Variants in KAZN observed in about 807,000 individuals in gnomAD.
KAZN encodes the protein kazrin.
Under a neutral mutation model 87.4 loss-of-function variants are expected in KAZN, and 40 were observed. The ratio of observed to expected loss-of-function variants is 0.46; its 90% CI spans 0.36 to 0.60. The LOEUF is 0.60. KAZN is among the 20% of genes least tolerant of loss of function. The pLI is 0.00. For missense variants in KAZN, 898 were observed against 1,073.9 expected (o/e 0.84, Z 2.29); for synonymous variants, 466 against 458.3 (o/e 1.02, Z -0.22).
intron 2 of KAZN, among the ~76,000 whole-genome samples, chr1:14,319,008 A>AT (rs1040346321): frequency 1.6e-5 from 2 of 125,696 alleles, no homozygotes; most frequent in African/African-American, 6.5e-5. Context: ...TTGACCTTTT[A>AT]TTTTTATTTA....
intron 1 of KAZN, among the ~76,000 whole-genome samples, chr1:13,970,396 T>C (rs1642095529): frequency 6.6e-6 from 1 of 152,234 alleles, no homozygotes; most frequent in South Asian, 2.1e-4. Flanking sequence ...CTTATTATTC[T>C]CATTTTACAG....
intron 1 of KAZN, among the ~76,000 whole-genome samples, chr1:14,824,265 C>T (rs575602894): frequency 1.3e-5 from 2 of 151,870 alleles, no homozygotes; most frequent in Non-Finnish European, 2.9e-5. Context: ...AGGGACAGCA[C>T]GAAAGAAAGA....
At chr1:14,541,224 C>A (rs891935150) in intron 2 of KAZN, among the ~76,000 whole-genome samples, 3 of 152,062 alleles carry the variant, frequency 2.0e-5, no homozygotes, top group African/African-American at 7.2e-5. Context: ...CCCCCAAGGA[C>A]GAAGGAAATA....
chr1:14,313,274 T>C (rs553842061), intron 2 of KAZN, among the ~76,000 whole-genome samples: 1 of 152,224 alleles, frequency 6.6e-6, no homozygotes, highest in South Asian at 2.1e-4. Context: ...CATAGATTAG[T>C]TTTGCCTGAT....
At chr1:14,147,039 A>G (rs1159940141) in intron 1 of KAZN, among the ~76,000 whole-genome samples, 2 of 152,174 alleles carry the variant, frequency 1.3e-5, no homozygotes, top group Non-Finnish European at 2.9e-5. Context: ...ATTTCCATTT[A>G]ATGAATAGTA....
intron 1 of KAZN, among the ~76,000 whole-genome samples, chr1:14,081,297 G>A (rs576723774): frequency 1.1e-4 from 16 of 152,216 alleles, no homozygotes; most frequent in African/African-American, 2.6e-4. Context: ...GAAGATGGCC[G>A]TGAACTGCAG....
At chr1:14,027,489 C>A (rs1307701073) in intron 1 of KAZN, among the ~76,000 whole-genome samples, 1 of 152,068 alleles carries the variant, frequency 6.6e-6, no homozygotes, top group African/African-American at 2.4e-5. Context: ...GCTTCTGCCC[C>A]CCCGCCACCT....
intron 2 of KAZN, among the ~76,000 whole-genome samples, chr1:14,236,206 T>A: frequency 6.6e-6 from 1 of 152,214 alleles, no homozygotes; most frequent in Non-Finnish European, 1.5e-5. Flanking sequence ...TAAGTGGCTT[T>A]AGGCTCCAGC....
intron 1 of KAZN, among the ~76,000 whole-genome samples, chr1:14,027,294 G>T (rs1557791287): frequency 6.6e-6 from 1 of 152,114 alleles, no homozygotes. Flanking sequence ...CATGCGATGC[G>T]CTGGCTTCCC....
chr1:14,928,278 G>A (rs1360833104), intron 1 of KAZN, among the ~76,000 whole-genome samples: 6 of 151,952 alleles, frequency 3.9e-5, no homozygotes, highest in Admixed American at 2.0e-4. Context: ...GTGAAACCCC[G>A]TCTCTACTAA....
intron 2 of KAZN, among the ~76,000 whole-genome samples, chr1:14,258,817 G>T (rs1981210): frequency 6.6e-6 from 1 of 152,192 alleles, no homozygotes; most frequent in African/African-American, 2.4e-5. Flanking sequence ...CTACAACCTC[G>T]CAGGAATATG....
intron 2 of KAZN, among the ~76,000 whole-genome samples, chr1:14,988,847 C>T (rs988955542): frequency 6.6e-6 from 1 of 152,178 alleles, no homozygotes; most frequent in Non-Finnish European, 1.5e-5. Context: ...GGCCACGGCC[C>T]TCCGGGGCTT....
intron 1 of KAZN, among the ~76,000 whole-genome samples, chr1:14,774,821 A>G (rs1478665650): frequency 2.0e-5 from 3 of 152,004 alleles, no homozygotes; most frequent in African/African-American, 7.3e-5. Flanking sequence ...CTGATCCTGT[A>G]AGTCAGGACC....
intron 2 of KAZN, among the ~76,000 whole-genome samples, chr1:14,963,372 G>A (rs1664107063): frequency 6.6e-6 from 1 of 152,200 alleles, no homozygotes; most frequent in Non-Finnish European, 1.5e-5. Flanking sequence ...TGAGGTTCAG[G>A]GAAAGTAAAT....
chr1:15,060,088 G>A (rs1189544378), intron 5 of KAZN, 84 bp from the exon 6 acceptor site: 2 of 1,550,656 alleles, frequency 1.3e-6, no homozygotes. Context: ...GTAGAACGGG[G>A]GTGTTGGGTG....
chr1:14,302,214 C>A (rs1187352246), intron 2 of KAZN, among the ~76,000 whole-genome samples: 2 of 152,150 alleles, frequency 1.3e-5, no homozygotes, highest in East Asian at 1.9e-4. Context: ...TAATGAATGA[C>A]AAGTTTGGGA....
At chr1:14,241,106 C>T (rs572494185) in intron 2 of KAZN, among the ~76,000 whole-genome samples, 8 of 152,344 alleles carry the variant, frequency 5.3e-5, no homozygotes, top group African/African-American at 1.7e-4. Flanking sequence ...TAAATGGAGG[C>T]TACAGAGGAC....
intron 1 of KAZN, among the ~76,000 whole-genome samples, chr1:14,676,599 C>T (rs1039467413): frequency 5.3e-5 from 8 of 152,132 alleles, no homozygotes; most frequent in South Asian, 2.1e-4. Context: ...ATCCATACAA[C>T]GGAGTATTAT....
At chr1:13,906,134 T>C (rs1414251290) in intron 1 of KAZN, among the ~76,000 whole-genome samples, 1 of 152,224 alleles carries the variant, frequency 6.6e-6, no homozygotes, top group Non-Finnish European at 1.5e-5. Flanking sequence ...AAGAGACCCT[T>C]GTCCCAAATA....
Sources: gnomAD v4.1 joint callset for allele counts (sites outside exome capture counted in the v4.1 genomes callset) on GRCh38, gnomAD v4.1.1 for gene constraint, MANE v1.5 for transcripts, NCBI Gene and HGNC (gene_info 2026-07-23, HGNC 2026-07-21) for gene names.